The following DOCK11 variants were observed in gnomAD, a reference collection of about 807,000 sequenced individuals.
DOCK11 encodes dedicator of cytokinesis 11.
DOCK11 carries 70 observed loss-of-function variants against 169.1 expected under a neutral mutation model. The ratio of observed to expected loss-of-function variants is 0.41; its 90% CI spans 0.34 to 0.51. The LOEUF is 0.51. Among genes scored for constraint, DOCK11 ranks in the 20% least tolerant of loss-of-function variants. DOCK11 has a pLI of 0.10. For synonymous variants in DOCK11, 529 were observed against 541.3 expected, an observed-to-expected ratio of 0.98 and a Z score of 0.32; for missense variants, 1,166 against 1,538.8, an observed-to-expected ratio of 0.76 and a Z score of 4.05.
At chrX:118,553,608 A>C (rs1044991284) in intron 6 of DOCK11, among the ~76,000 whole-genome samples, 1 of 111,635 alleles carries the variant, frequency 9.0e-6, no homozygotes, top group African/African-American at 3.3e-5. Context: ...TCCAGAGTCC[A>C]AAAGTCCTTA....
chrX:118,664,182 C>T (rs1365858986), intron 45 of DOCK11, among the ~76,000 whole-genome samples: 1 of 111,017 alleles, frequency 9.0e-6, no homozygotes, highest in Non-Finnish European at 1.9e-5. Flanking sequence ...GGAAAAGATG[C>T]TGATTTGCTG....
At chrX:118,661,190 C>T (rs184958673) in intron 44 of DOCK11, among the ~76,000 whole-genome samples, 22 of 102,290 alleles carry the variant, frequency 2.2e-4, no homozygotes, top group Non-Finnish European at 3.2e-4. Flanking sequence ...GCCTAGGTGA[C>T]GGGGTAACAC....
Position 118,643,534 on chromosome X carries a change from T to C in DOCK11, c.4338T>C (p.Asn1446=). The change falls in exon 40 of 53, where the codon AAT becomes AAC. Residue 1446 remains asparagine, a synonymous_variant. Transcript: ENST00000276202. Reference sequence around the variant, plus strand: ...ATATACATCTTGCTTTTCTTAAAAATGGACAATCTGAAGTGTCGCTGAAAC... The same window carrying C: ...ATATACATCTTGCTTTTCTTAAAAACGGACAATCTGAAGTGTCGCTGAAAC... ...VFDIHLAFLK[N]GQSEVSLKHV... 8.3e-7 allele frequency: 1 copy of C among 1,211,325 alleles called. No homozygotes were observed. The highest frequency in any genetic ancestry group is 1.1e-6 in the Non-Finnish European group (1 of 895,155).
chrX:118,639,614 TAAAG>T lies in DOCK11; in HGVS notation c.4144+40_4144+43del, dbSNP rs776988367. On this transcript the variant is annotated intron_variant, in intron 38 of 52. Transcript: ENST00000276202. ...TGTGTGTGTGGTACCCATTTGACCT[TAAAG>T]AAGTCCTGGTTTAAATAATAAAAAC... 3.4e-6 allele frequency: 4 copies of T among 1,170,657 alleles called. No homozygotes were observed. In the Admixed American group the frequency reaches 7.0e-5, roughly 20 times the overall value.
chrX:118,652,879 C>T (rs1569442397), intron 42 of DOCK11, among the ~76,000 whole-genome samples: 1 of 112,276 alleles, frequency 8.9e-6, no homozygotes, highest in Non-Finnish European at 1.9e-5. Context: ...AGCTCATAGT[C>T]ACAGCATATT....
chrX:118,555,352 C>T (rs568234469), intron 6 of DOCK11, among the ~76,000 whole-genome samples: 67 of 110,231 alleles, frequency 6.1e-4, no homozygotes, highest in Middle Eastern at 4.7e-3. Context: ...GTCAGGAGTT[C>T]GAGACCAGCC....
At chrX:118,634,578 C>CGTG (rs1368082288) in intron 35 of DOCK11, among the ~76,000 whole-genome samples, 2 of 112,527 alleles carry the variant, frequency 1.8e-5, no homozygotes, top group Non-Finnish European at 3.8e-5. Flanking sequence ...AGAGGGAGGC[C>CGTG]AGCACCCTCA....
At chrX:118,544,542 G>A (rs1013237459) in intron 4 of DOCK11, among the ~76,000 whole-genome samples, 1 of 107,296 alleles carries the variant, frequency 9.3e-6, no homozygotes, top group Non-Finnish European at 1.9e-5. Context: ...TGACAGCCTG[G>A]TCCTTGGGAA....
intron 4 of DOCK11, among the ~76,000 whole-genome samples, chrX:118,545,072 G>A (rs2012212667): frequency 1.8e-5 from 2 of 110,243 alleles, no homozygotes; most frequent in African/African-American, 3.3e-5. Flanking sequence ...TCTGGGCTTA[G>A]TTATGTCTTC....
chrX:118,626,173 C>G (rs914351989), intron 32 of DOCK11, among the ~76,000 whole-genome samples: 31 of 107,549 alleles, frequency 2.9e-4, no homozygotes, highest in African/African-American at 9.9e-4. Context: ...TCAAGTGATT[C>G]TCCTGCCTCA....
chrX:118,649,241 A>C lies in DOCK11; in HGVS notation c.4581+114A>C, dbSNP rs2015890176. ...ATACAATGTGGCCATCTAGCACTTG[A>C]TGTGTGGCTAGTCTAAATTTAGATG... On this transcript the variant is annotated intron_variant, in intron 41 of 52. Coordinates refer to ENST00000276202, the MANE Select transcript of DOCK11 (RefSeq NM_144658.4). 10 of 530,337 alleles carry C rather than the reference A, an allele frequency of 1.9e-5. No individual in the cohort carries two copies. The Middle Eastern group carries it at 1.3e-3, about 69-fold the overall frequency. The allele number at this position is 530,337 out of a possible 1,213,427, so 43.7% of individuals were successfully genotyped here.
intron 12 of DOCK11, among the ~76,000 whole-genome samples, chrX:118,578,080 A>G (rs745342689): frequency 2.5e-4 from 28 of 112,599 alleles, no homozygotes; most frequent in Non-Finnish European, 4.3e-4. Context: ...TTGAACTGCA[A>G]CAAAGGAATG....
Position 118,572,557 on chromosome X carries a change from C to G in DOCK11, c.1176+94C>G, listed in dbSNP as rs765567701. The G allele has an allele frequency of 6.3e-5, 55 of 873,905 alleles. 1 individual carries two copies. The Middle Eastern group carries it at 1.2e-3, about 19-fold the overall frequency. 72.0% of individuals were successfully genotyped at this position (873,905 alleles called of 1,213,427 possible). Reference sequence around the variant, plus strand: ...TTGTACACCAAACCTCCGTGACATGCAATTTACCTATATAACAAACCTGCA... The same window carrying G: ...TTGTACACCAAACCTCCGTGACATGGAATTTACCTATATAACAAACCTGCA... On this transcript the variant is annotated intron_variant, in intron 11 of 52. Coordinates refer to ENST00000276202, the MANE Select transcript of DOCK11 (RefSeq NM_144658.4).
At chrX:118,542,678 C>T (rs1405194676) in intron 1 of DOCK11, 47 bp from the exon 2 acceptor site, 2 of 934,745 alleles carry the variant, frequency 2.1e-6, no homozygotes, top group Non-Finnish European at 1.5e-6. Flanking sequence ...AGTTATTTAA[C>T]TCTTGTGAGT....
intron 45 of DOCK11, among the ~76,000 whole-genome samples, chrX:118,667,151 C>A (rs746174335): frequency 8.9e-6 from 1 of 111,739 alleles, no homozygotes; most frequent in Non-Finnish European, 1.9e-5. Context: ...TCTTTACCAG[C>A]TTCTGACTTG....
Position 118,619,330 on chromosome X carries a change from C to T in DOCK11, c.3471+602C>T, listed in dbSNP as rs186645320. Among the ~76,000 whole-genome samples the T allele has an allele frequency of 4.1e-3, 425 of 103,716 alleles. 2 individuals are homozygous for T. The highest frequency in any genetic ancestry group is 0.014 in the African/African-American group (410 of 28,688). 90.1% of individuals were successfully genotyped at this position (103,716 alleles called of 115,157 possible). On this transcript the variant is annotated intron_variant, in intron 31 of 52. Coordinates refer to ENST00000276202, the MANE Select transcript of DOCK11 (RefSeq NM_144658.4). ...CTCTACTAAAAATACAAAAATTAGC[C>T]GGGCGTGGTGGCACACACCTGTAGT...
intron 12 of DOCK11, among the ~76,000 whole-genome samples, chrX:118,576,826 G>C (rs2013464773): frequency 8.9e-6 from 1 of 112,480 alleles, no homozygotes. Flanking sequence ...GTTAGCTATA[G>C]CAATAATCAG....
At chrX:118,644,413 G>A (rs1042239030) in intron 40 of DOCK11, among the ~76,000 whole-genome samples, 2 of 111,845 alleles carry the variant, frequency 1.8e-5, no homozygotes, top group African/African-American at 6.5e-5. Context: ...GCTTTTTATT[G>A]CCATTCTTTA....
chrX:118,630,374 T>C lies in DOCK11; in HGVS notation c.3775-5T>C. On this transcript the variant is annotated splice_polypyrimidine_tract_variant and splice_region_variant and intron_variant, in intron 34 of 52. Transcript: ENST00000276202. ...TACTATTTCACGAACATCCTGTCCT[T>C]ACAGACCCGACAGAGTTCTACAAGG... 1 of 1,172,471 alleles carries C rather than the reference T, an allele frequency of 8.5e-7. No individual in the cohort carries two copies. The highest frequency in any genetic ancestry group is 1.9e-5 in the South Asian group (1 of 53,860).
Sources: gnomAD v4.1 joint callset for allele counts (sites outside exome capture counted in the v4.1 genomes callset) on GRCh38, gnomAD v4.1.1 for gene constraint, MANE v1.5 for transcripts, NCBI Gene and HGNC (gene_info 2026-07-23, HGNC 2026-07-21) for gene names.